ASCC3: variants seen among roughly 807,000 people sequenced by gnomAD.
ASCC3 encodes the protein ASC-1 complex subunit P200.
ASCC3 carries 158 observed loss-of-function variants against 256.3 expected under a neutral mutation model. The ratio of observed to expected loss-of-function variants is 0.62; its 90% confidence interval spans 0.54 to 0.70. The LOEUF (loss-of-function observed/expected upper bound fraction) is 0.70. Among genes scored for constraint, ASCC3 ranks in the 30% least tolerant of loss-of-function variants. The pLI, the probability that ASCC3 is intolerant of heterozygous loss-of-function variation, is 0.00. For synonymous variants in ASCC3, 948 were observed against 883.4 expected, an observed-to-expected ratio of 1.07 and a Z score of -1.30; for missense variants, 2,259 against 2,626.0, an observed-to-expected ratio of 0.86 and a Z score of 3.05.
intron 25 of ASCC3, among the ~76,000 whole-genome samples, chr6:100,635,125 G>C (rs986877953): frequency 1.3e-5 from 2 of 151,764 alleles, no homozygotes; most frequent in Non-Finnish European, 2.9e-5. Flanking sequence ...GCTTTACTTT[G>C]AATAGCCCAA....
At chr6:100,654,307 A>AG (rs1437860372) in intron 17 of ASCC3, among the ~76,000 whole-genome samples, 11 of 151,680 alleles carry the variant, frequency 7.3e-5, no homozygotes, top group African/African-American at 2.4e-4. Flanking sequence ...ACAAATCAAA[A>AG]AAAAAAAAAA....
At chr6:100,848,077 C>T in intron 4 of ASCC3, 71 bp downstream of exon 4, 1 of 1,408,336 alleles carries the variant, frequency 7.1e-7, no homozygotes, top group Non-Finnish European at 9.5e-7. Flanking sequence ...GCTAACCACC[C>T]ATGTTTAAAA....
chr6:100,556,859 A>G (rs1769601836), intron 36 of ASCC3, among the ~76,000 whole-genome samples: 3 of 151,912 alleles, frequency 2.0e-5, no homozygotes, highest in Admixed American at 2.0e-4. Context: ...GAAATTTGAG[A>G]AAAAAAATAA....
In ASCC3 at chr6:100,836,198, G is replaced by A. The variant is rs370115107; in HGVS notation, c.801+11950C>T. 1.3e-3 allele frequency among the ~76,000 whole-genome samples: 198 copies of A among 151,646 alleles called. 6 individuals carry two copies. In the South Asian group the frequency reaches 0.027, roughly 21 times the overall value. ...AGATTGGATCATGTTGTCTGCAAAC[G>A]GGGACAATTTAACTCCTTCCTTCCC... On this transcript the variant is annotated intron_variant, in intron 4 of 41. Transcript: ENST00000369162.
At chr6:100,738,114 A>G (rs927294901) in intron 10 of ASCC3, among the ~76,000 whole-genome samples, 4 of 152,210 alleles carry the variant, frequency 2.6e-5, no homozygotes, top group African/African-American at 9.7e-5. Flanking sequence ...GATGCTGAAT[A>G]TAAGACCTTT....
intron 17 of ASCC3, among the ~76,000 whole-genome samples, chr6:100,654,785 T>C (rs1775834547): frequency 6.6e-6 from 1 of 151,980 alleles, no homozygotes; most frequent in Non-Finnish European, 1.5e-5. Context: ...TAATTGCTGC[T>C]GCTGCTTTTC....
chr6:100,700,904 C>T (rs181186215), intron 13 of ASCC3, among the ~76,000 whole-genome samples: 97 of 152,242 alleles, frequency 6.4e-4, no homozygotes, highest in African/African-American at 1.2e-3. Context: ...CTTTGGACTG[C>T]GGGCTTTTGA....
intron 2 of ASCC3, among the ~76,000 whole-genome samples, chr6:100,865,698 G>C (rs918481815): frequency 6.6e-6 from 1 of 151,964 alleles, no homozygotes; most frequent in Non-Finnish European, 1.5e-5. Context: ...AGGAAACAAT[G>C]TTATCATTCT....
intron 37 of ASCC3, among the ~76,000 whole-genome samples, chr6:100,521,622 T>G (rs539504869): frequency 6.6e-6 from 1 of 152,290 alleles, no homozygotes; most frequent in African/African-American, 2.4e-5. Flanking sequence ...AACTATGTTC[T>G]AAGGATAAGG....
chr6:100,796,308 C>T (rs1769610547), intron 8 of ASCC3, among the ~76,000 whole-genome samples: 1 of 152,102 alleles, frequency 6.6e-6, no homozygotes, highest in African/African-American at 2.4e-5. Context: ...CCTAAGCATG[C>T]AGTTGCAATA....
At chr6:100,672,974 A>G (rs1776825934) in intron 14 of ASCC3, among the ~76,000 whole-genome samples, 1 of 152,124 alleles carries the variant, frequency 6.6e-6, no homozygotes, top group Admixed American at 6.6e-5. Flanking sequence ...GCTCATGTGT[A>G]TATAAACAAG....
At chr6:100,513,961 A>G (rs1444196802) in intron 39 of ASCC3, among the ~76,000 whole-genome samples, 2 of 151,782 alleles carry the variant, frequency 1.3e-5, no homozygotes, top group Admixed American at 6.6e-5. Flanking sequence ...TTAAAAGTAC[A>G]TGGTACTTTA....
chr6:100,732,083 C>A (rs1224811885), intron 10 of ASCC3, among the ~76,000 whole-genome samples: 2 of 151,754 alleles, frequency 1.3e-5, no homozygotes, highest in Non-Finnish European at 2.9e-5. Flanking sequence ...ATCACTTGAA[C>A]CCGGGAGGCG....
intron 25 of ASCC3, among the ~76,000 whole-genome samples, chr6:100,635,567 T>C (rs1774801746): frequency 6.6e-6 from 1 of 152,124 alleles, no homozygotes; most frequent in African/African-American, 2.4e-5. Context: ...TGAAATTTGC[T>C]AAGAGAATAG....
chr6:100,519,216 C>T (rs1774182281), intron 37 of ASCC3, among the ~76,000 whole-genome samples: 3 of 152,038 alleles, frequency 2.0e-5, no homozygotes, highest in South Asian at 2.1e-4. Flanking sequence ...TCTGGTTAAA[C>T]GAATCTATGG....
chr6:100,566,278 T>C (rs1446462837), intron 36 of ASCC3, among the ~76,000 whole-genome samples: 5 of 152,174 alleles, frequency 3.3e-5, no homozygotes, highest in African/African-American at 1.2e-4. Flanking sequence ...TAATCACACA[T>C]TTTTTAATGA....
At chr6:100,633,849 C>T (rs1388571021) in intron 25 of ASCC3, among the ~76,000 whole-genome samples, 1 of 150,316 alleles carries the variant, frequency 6.7e-6, no homozygotes, top group Non-Finnish European at 1.5e-5. Flanking sequence ...ACTCCAGCAG[C>T]CTGGGCAACG....
At chr6:100,556,031 T>C (rs1263575344) in intron 36 of ASCC3, among the ~76,000 whole-genome samples, 1 of 152,134 alleles carries the variant, frequency 6.6e-6, no homozygotes, top group Non-Finnish European at 1.5e-5. Flanking sequence ...ATAATCTTTC[T>C]AATTACCTTG....
chr6:100,813,617 G>A (rs528423935), intron 4 of ASCC3, among the ~76,000 whole-genome samples: 4 of 151,946 alleles, frequency 2.6e-5, no homozygotes, highest in Admixed American at 2.6e-4. Flanking sequence ...ATTATACAGG[G>A]CGTCTGTGTT....
Sources: gnomAD v4.1 joint callset for allele counts (sites outside exome capture counted in the v4.1 genomes callset) on GRCh38, gnomAD v4.1.1 for gene constraint, MANE v1.5 for transcripts, NCBI Gene and HGNC (gene_info 2026-07-23, HGNC 2026-07-21) for gene names.